The following DPP10 variants were observed in gnomAD, a reference collection of about 807,000 sequenced individuals.
DPP10 encodes the protein inactive dipeptidyl peptidase 10.
Under a neutral mutation model 120.9 loss-of-function variants are expected in DPP10, and 33 were observed. The ratio of observed to expected loss-of-function variants is 0.27; its 90% CI spans 0.21 to 0.37. DPP10 has a LOEUF of 0.37. DPP10 is among the 10% of genes least tolerant of loss of function. The pLI is 1.00. For synonymous variants in DPP10, 337 were observed against 326.1 expected (o/e 1.03, Z -0.36); for missense variants, 816 against 942.8 (o/e 0.87, Z 1.76).
intron 10 of DPP10, among the ~76,000 whole-genome samples, chr2:115,749,087 G>C (rs1285775041): frequency 6.6e-6 from 1 of 152,182 alleles, no homozygotes; most frequent in African/African-American, 2.4e-5. Flanking sequence ...GTGGGAGTTG[G>C]ATGGGTTATC....
chr2:115,317,050 T>C (rs560052928), intron 2 of DPP10, among the ~76,000 whole-genome samples: 138 of 152,284 alleles, frequency 9.1e-4, no homozygotes, highest in African/African-American at 3.2e-3. Flanking sequence ...GCCATGATCA[T>C]GCCACTGCAC....
intron 2 of DPP10, chr2:115,342,300 G>A (rs759214880): frequency 2.0e-5 from 6 of 296,502 alleles, no homozygotes; most frequent in Admixed American, 8.3e-5. Flanking sequence ...TCCGCCTCCT[G>A]TGTTCAAGCA....
At chr2:114,965,173 C>T (rs765963323) in intron 1 of DPP10, among the ~76,000 whole-genome samples, 63 of 151,946 alleles carry the variant, frequency 4.1e-4, no homozygotes, top group South Asian at 2.1e-4. Flanking sequence ...TTTTTGCTCT[C>T]GTTGCCCAGG....
chr2:114,793,783 A>G (rs768983587), intron 1 of DPP10, among the ~76,000 whole-genome samples: 1 of 152,120 alleles, frequency 6.6e-6, no homozygotes, highest in Non-Finnish European at 1.5e-5. Flanking sequence ...CATTTCTTAT[A>G]CCATGTTGAC....
At chr2:115,337,646 G>A (rs572048853) in intron 2 of DPP10, among the ~76,000 whole-genome samples, 2 of 128,260 alleles carry the variant, frequency 1.6e-5, no homozygotes, top group South Asian at 5.0e-4. Flanking sequence ...CAATGAGACA[G>A]GGGGAGGCTG....
intron 1 of DPP10, among the ~76,000 whole-genome samples, chr2:114,627,590 G>A (rs1327068414): frequency 6.6e-6 from 1 of 152,002 alleles, no homozygotes; most frequent in Non-Finnish European, 1.5e-5. Context: ...GGCCAATAGA[G>A]GGGGTGAGCT....
chr2:115,735,899 T>G lies in DPP10; in HGVS notation c.698-3840T>G, dbSNP rs79760963. Reference sequence around the variant, plus strand: ...ATCGACCAGTACTATTGGGCAAAAATGTATTTGTGACTCTCCTGAGTTCCA... The same window carrying G: ...ATCGACCAGTACTATTGGGCAAAAAGGTATTTGTGACTCTCCTGAGTTCCA... On this transcript the variant is annotated intron_variant, in intron 8 of 25. Coordinates refer to ENST00000410059, the MANE Select transcript of DPP10 (RefSeq NM_020868.6). Among the ~76,000 whole-genome samples the G allele has an allele frequency of 3.3e-5, 5 of 152,134 alleles. No homozygotes were observed. In the South Asian group the frequency reaches 1.0e-3, roughly 32 times the overall value.
intron 1 of DPP10, among the ~76,000 whole-genome samples, chr2:115,047,634 T>TA (rs1039586680): frequency 1.3e-5 from 2 of 151,784 alleles, no homozygotes; most frequent in Admixed American, 1.3e-4. Context: ...TTTTAAAATG[T>TA]AAAAAAAAGC....
At chr2:114,633,257 T>G (rs1695074623) in intron 1 of DPP10, among the ~76,000 whole-genome samples, 1 of 131,672 alleles carries the variant, frequency 7.6e-6, no homozygotes, top group African/African-American at 3.2e-5. Context: ...TCTTTTTTTT[T>G]TTTTTTTTTT....
intron 1 of DPP10, among the ~76,000 whole-genome samples, chr2:115,209,068 G>A (rs2056342344): frequency 6.6e-6 from 1 of 151,958 alleles, no homozygotes; most frequent in South Asian, 2.1e-4. Flanking sequence ...GATGACAAGG[G>A]TACTCAGCTC....
chr2:114,720,596 A>T (rs74696730), intron 1 of DPP10, among the ~76,000 whole-genome samples: 1 of 152,228 alleles, frequency 6.6e-6, no homozygotes, highest in African/African-American at 2.4e-5. Flanking sequence ...TCCACCACAC[A>T]TTTAAAAAAA....
intron 1 of DPP10, among the ~76,000 whole-genome samples, chr2:115,180,435 A>G (rs898643495): frequency 2.0e-5 from 3 of 152,220 alleles, no homozygotes; most frequent in Non-Finnish European, 4.4e-5. Flanking sequence ...TTCTATCATA[A>G]GGAATCAAGC....
intron 2 of DPP10, among the ~76,000 whole-genome samples, chr2:115,340,646 T>A (rs1415740776): frequency 6.6e-6 from 1 of 151,864 alleles, no homozygotes; most frequent in Non-Finnish European, 1.5e-5. Context: ...TTACAGCCTT[T>A]TTTTTAAGTT....
intron 3 of DPP10, among the ~76,000 whole-genome samples, chr2:115,439,646 T>C (rs1411947567): frequency 1.3e-5 from 2 of 152,214 alleles, no homozygotes; most frequent in African/African-American, 4.8e-5. Context: ...AGAATTATAA[T>C]GCAGCTTCCC....
At chr2:115,413,265 C>CAGGT (rs1487984983) in intron 3 of DPP10, among the ~76,000 whole-genome samples, 2 of 152,106 alleles carry the variant, frequency 1.3e-5, no homozygotes, top group Non-Finnish European at 2.9e-5. Flanking sequence ...TGGTGAAGGC[C>CAGGT]AGGTGTTCAG....
intron 1 of DPP10, among the ~76,000 whole-genome samples, chr2:115,000,931 T>C (rs1288826809): frequency 1.3e-5 from 2 of 152,184 alleles, no homozygotes; most frequent in African/African-American, 4.8e-5. Context: ...GTATGGCAGC[T>C]TTCTCTACTA....
chr2:115,149,527 T>C (rs1362080179), intron 1 of DPP10, among the ~76,000 whole-genome samples: 1 of 152,240 alleles, frequency 6.6e-6, no homozygotes, highest in Non-Finnish European at 1.5e-5. Flanking sequence ...TTTTCCTTCT[T>C]CATCCAGGTG....
intron 1 of DPP10, among the ~76,000 whole-genome samples, chr2:114,663,638 C>A (rs546174105): frequency 3.1e-4 from 29 of 94,672 alleles, no homozygotes; most frequent in African/African-American, 1.6e-3. Flanking sequence ...TATACATGTA[C>A]AGATATATAT....
intron 1 of DPP10, among the ~76,000 whole-genome samples, chr2:115,107,761 A>G (rs538325671): frequency 1.3e-5 from 2 of 152,254 alleles, no homozygotes; most frequent in East Asian, 3.9e-4. Flanking sequence ...TTGTTCCGTT[A>G]GTATATTACT....
Sources: allele counts gnomAD v4.1 joint callset (sites outside exome capture counted in the v4.1 genomes callset), GRCh38; gene constraint gnomAD v4.1.1; transcripts MANE v1.5; gene names NCBI Gene and HGNC (gene_info 2026-07-23, HGNC 2026-07-21).